TNRC18: variants seen among roughly 807,000 people sequenced by gnomAD.
TNRC18 encodes trinucleotide repeat-containing gene 18 protein.
Under a neutral mutation model 226.7 loss-of-function variants are expected in TNRC18, and 69 were observed. The ratio of observed to expected loss-of-function variants is 0.30; its 90% CI spans 0.25 to 0.37. TNRC18 has a LOEUF of 0.37. Among genes scored for constraint, TNRC18 ranks in the 10% least tolerant of loss-of-function variants. The probability of loss-of-function intolerance (pLI) is 1.00; values close to 1 mark genes in which losing one functional copy is unlikely to be tolerated. For missense variants in TNRC18, 4,754 were observed against 4,256.6 expected, an observed-to-expected ratio of 1.12 and a Z score of -3.25; for synonymous variants, 2,449 against 1,927.6, an observed-to-expected ratio of 1.27 and a Z score of -7.09.
intron 10 of TNRC18, among the ~76,000 whole-genome samples, chr7:5,372,040 A>G (rs1462519803): frequency 1.3e-5 from 2 of 151,456 alleles, no homozygotes; most frequent in Non-Finnish European, 2.9e-5. Flanking sequence ...TGGGACAAGA[A>G]GCATAAGCAT....
At position 5,308,103 on chromosome 7, in the gene TNRC18, G is replaced by C. The variant is rs1434740903; in HGVS notation, c.*3C>G. 1 of 1,548,018 alleles carries C rather than the reference G, an allele frequency of 6.5e-7. No individual in the cohort carries two copies. Among genetic ancestry groups the C allele is most frequent in the Non-Finnish European group, 8.7e-7 (1 of 1,145,890 alleles). On this transcript the variant is annotated 3_prime_UTR_variant, in exon 30 of 30. Transcript: ENST00000430969. ...CACAGGTGGCCCGCAGGGCCCGGCG[G>C]GCTCAGCAGAGCACGGGCACGCCGT... is the stretch of plus-strand genomic sequence containing the variant.
chr7:5,403,094 G>A (rs1322667322), intron 2 of TNRC18, among the ~76,000 whole-genome samples: 2 of 151,668 alleles, frequency 1.3e-5, no homozygotes, highest in Non-Finnish European at 2.9e-5. Flanking sequence ...AGAAGCGTCT[G>A]TTAGACATAG....
In TNRC18 at chr7:5,324,920, G is replaced by T. The variant is rs187471700; in HGVS notation, c.6300+176C>A. Among the ~76,000 whole-genome samples the T allele has an allele frequency of 5.9e-5, 9 of 152,294 alleles. No homozygotes were observed. Among genetic ancestry groups the T allele is most frequent in the African/African-American group, 1.9e-4 (8 of 41,566 alleles). Reference sequence around the variant, plus strand: ...CCTGAGGACAGGAGCAGAGTCCCCAGTATCTCCTTATCCCTGGAGTGTGGG... The same window carrying T: ...CCTGAGGACAGGAGCAGAGTCCCCATTATCTCCTTATCCCTGGAGTGTGGG... On this transcript the variant is annotated intron_variant, in intron 20 of 29. Coordinates refer to ENST00000430969, the MANE Select transcript of TNRC18 (RefSeq NM_001080495.3). This position sits in a 1 kb window ranked among gnomAD's most constrained non-coding sequence, Gnocchi z 4.8.
intron 2 of TNRC18, among the ~76,000 whole-genome samples, chr7:5,398,625 C>CT (rs1562617902): frequency 2.2e-5 from 3 of 135,418 alleles, no homozygotes; most frequent in South Asian, 4.8e-4. Flanking sequence ...GGCCTCTTTT[C>CT]TTTTTTTTAA....
intron 11 of TNRC18, among the ~76,000 whole-genome samples, chr7:5,369,210 T>C (rs1394167588): frequency 6.6e-6 from 1 of 152,042 alleles, no homozygotes; most frequent in African/African-American, 2.4e-5. Context: ...TAGCCAGGCA[T>C]GGTGGCACAT....
At chr7:5,311,999 G>C (rs139509062) in intron 27 of TNRC18, among the ~76,000 whole-genome samples, 3,147 of 152,166 alleles carry the variant, frequency 0.021, 110 homozygotes, top group African/African-American at 0.072. Flanking sequence ...AGCCAGGCGT[G>C]GTGGCGTGCG....
At chr7:5,364,804 GAAAAA>G (rs778909525) in intron 11 of TNRC18, among the ~76,000 whole-genome samples, 2 of 88,202 alleles carry the variant, frequency 2.3e-5, no homozygotes, top group Non-Finnish European at 4.4e-5. Context: ...GCTGTCTCAG[GAAAAA>G]AAAAAAAAAA....
At position 5,389,225 on chromosome 7, in the gene TNRC18, G is replaced by A; in HGVS notation, c.599C>T (p.Ser200Leu). ...CTCCTTGGCTGGACCGTCCCGCGAC[G>A]ACGAGCCTTTGGCCGGGGCGCCCGA... Reference protein sequence around the residue: ...HSSGAPAKGSSSRDGPAKERA... With the variant: ...HSSGAPAKGSLSRDGPAKERA... The change falls in exon 5 of 30, where the codon TCG becomes TTG. Residue 200 changes from serine (S) to leucine (L), a missense_variant. Ser to Leu is a moderately radical substitution (Grantham distance 145). Transcript: ENST00000430969. The A allele has an allele frequency of 6.0e-6, 8 of 1,336,202 alleles. No individual in the cohort carries two copies. Among genetic ancestry groups the A allele is most frequent in the East Asian group, 3.2e-5 (1 of 31,182 alleles). 82.8% of individuals were successfully genotyped at this position (1,336,202 alleles called of 1,614,324 possible). A position where few individuals can be genotyped will look rare whatever the true frequency, so the allele number is the denominator to read the frequency against.
rs1562504268 is a variant in TNRC18, at chr7:5,332,726, CG to C, written c.6042del (p.Val2015SerfsTer18). Reference protein sequence around the residue: ...LHDASAAAPAPVSTAPATKTS... With the variant: ...LHDASAAAPAXVSTAPATKTS... ...GTCTTGGTGGCGGGCGCGGTGCTGA[CG>C]GGCGCAGGTGCAGCAGCCGAGGCGT... On this transcript the variant is annotated frameshift_variant, in exon 19 of 30. Coordinates refer to ENST00000430969, the MANE Select transcript of TNRC18 (RefSeq NM_001080495.3). LOFTEE classifies it high-confidence loss of function. 1 of 1,525,224 alleles carries C rather than the reference CG, an allele frequency of 6.6e-7. No homozygotes were observed. 94.5% of individuals were successfully genotyped at this position (1,525,224 alleles called of 1,614,324 possible). A position where few individuals can be genotyped will look rare whatever the true frequency, so the allele number is the denominator to read the frequency against.
intron 4 of TNRC18, 93 bp downstream of exon 4, chr7:5,390,392 G>A (rs1053667466): frequency 7.6e-7 from 1 of 1,307,678 alleles, no homozygotes; most frequent in African/African-American, 1.5e-5. Context: ...CAGCATCCTG[G>A]ACAGAGCTGG....
chr7:5,410,932 G>A (rs930831505), intron 2 of TNRC18, among the ~76,000 whole-genome samples: 1 of 150,756 alleles, frequency 6.6e-6, no homozygotes, highest in African/African-American at 2.4e-5. Flanking sequence ...AAGGCTGGGC[G>A]TGGTGGCTCA....
rs759814991 is a variant in TNRC18 at position 5,389,302 on chromosome 7, G to C, written c.522C>G (p.Gly174=). Residue 174 remains glycine, a synonymous_variant, in exon 5 of 30, where the codon GGC becomes GGG. Transcript: ENST00000430969. ...CCGAGGGCGCGTGAGAGTGCAGGGA[G>C]CCCGGAGCCCCCGCGGTGGGCAGGT... is the stretch of plus-strand genomic sequence containing the variant. ...GFYLPTAGAP[G]SLHSHAPSAR... 1.6e-6 allele frequency: 2 copies of C among 1,283,604 alleles called. No individual in the cohort carries two copies. Among genetic ancestry groups the C allele is most frequent in the Non-Finnish European group, 2.0e-6 (2 of 1,015,774 alleles). 79.5% of individuals were successfully genotyped at this position (1,283,604 alleles called of 1,614,324 possible). A position where few individuals can be genotyped will look rare whatever the true frequency, so the allele number is the denominator to read the frequency against.
Position 5,376,948 on chromosome 7 carries a change from G to A in TNRC18, c.2507C>T (p.Pro836Leu). 3 of 1,592,292 alleles carry A rather than the reference G, an allele frequency of 1.9e-6. No individual in the cohort carries two copies. The highest frequency in any genetic ancestry group is 2.6e-6 in the Non-Finnish European group (3 of 1,169,754). The change falls in exon 8 of 30, where the codon CCA (proline) becomes CTA (leucine). Residue 836 changes from proline to leucine, a missense_variant. Pro to Leu is a moderately conservative substitution (Grantham distance 98). Coordinates refer to ENST00000430969, the MANE Select transcript of TNRC18 (RefSeq NM_001080495.3). ...CGGGAGGGAGCCCCCCAGGCCAGGTGGGAACGCAGGGGCCATGCCCTGGTG... is the reference window on the plus strand; with the variant it reads ...CGGGAGGGAGCCCCCCAGGCCAGGTAGGAACGCAGGGGCCATGCCCTGGTG... ...SLHQGMAPAFPPGLGGSLPSA... is the reference protein window; with the variant it reads ...SLHQGMAPAFLPGLGGSLPSA...
At chr7:5,374,620 C>T in intron 9 of TNRC18, 136 bp from the exon 10 acceptor site, 1 of 847,724 alleles carries the variant, frequency 1.2e-6, no homozygotes, top group Non-Finnish European at 1.7e-6. Flanking sequence ...GGCTGCCCAC[C>T]CCGTCCCAGG....
In TNRC18 at chr7:5,307,646, G is replaced by T. The variant is rs756695264; in HGVS notation, c.*460C>A. On this transcript the variant is annotated 3_prime_UTR_variant, in exon 30 of 30. Coordinates refer to ENST00000430969, the MANE Select transcript of TNRC18 (RefSeq NM_001080495.3). ...CTGCCCTGTCCCATGCACGGTGGGA[G>T]GCCTTGGGGTGGGCTCCATGCTAAG... 2.5e-5 allele frequency: 10 copies of T among 393,806 alleles called. No individual in the cohort carries two copies. The highest frequency in any genetic ancestry group is 1.9e-4 in the African/African-American group (9 of 47,926). The allele number at this position is 393,806 out of a possible 1,614,324, so 24.4% of individuals were successfully genotyped here. A position where few individuals can be genotyped will look rare whatever the true frequency, so the allele number is the denominator to read the frequency against.
intron 9 of TNRC18, among the ~76,000 whole-genome samples, chr7:5,374,727 G>A (rs1190775489): frequency 6.6e-6 from 1 of 152,220 alleles, no homozygotes; most frequent in Non-Finnish European, 1.5e-5. Flanking sequence ...GCTCTGGTGA[G>A]CCCCTTCGAA....
At position 5,377,083 on chromosome 7, in the gene TNRC18, T is replaced by A. The variant is rs929514529; in HGVS notation, c.2462-90A>T. On this transcript the variant is annotated intron_variant, in intron 7 of 29. Coordinates refer to ENST00000430969, the MANE Select transcript of TNRC18 (RefSeq NM_001080495.3). This position sits in a 1 kb window ranked among gnomAD's most constrained non-coding sequence, Gnocchi z 5.8. ...CCCCAGCCCAGCACCACCTCCCAAG[T>A]CCTGAACCTCCTGGGGCCTCCAGTG... The A allele has an allele frequency of 3.3e-6, 5 of 1,493,456 alleles. No homozygotes were observed. The African/African-American group carries it at 4.3e-5, about 13-fold the overall frequency. The allele number at this position is 1,493,456 out of a possible 1,614,324, so 92.5% of individuals were successfully genotyped here. A position where few individuals can be genotyped will look rare whatever the true frequency, so the allele number is the denominator to read the frequency against.
At chr7:5,381,049 G>T (rs1779363178) in intron 5 of TNRC18, among the ~76,000 whole-genome samples, 3 of 152,102 alleles carry the variant, frequency 2.0e-5, no homozygotes, top group Non-Finnish European at 4.4e-5. Context: ...GGCTGTCACT[G>T]TGAATGGTCT....
chr7:5,345,800 C>G lies in TNRC18; in HGVS notation c.5481G>C (p.Ser1827=), dbSNP rs756218820. 53 of 1,543,594 alleles carry G rather than the reference C, an allele frequency of 3.4e-5. No individual in the cohort carries two copies. The African/African-American group carries it at 6.8e-4, about 20-fold the overall frequency. The part of the protein sequence containing the change: ...SEESFDQDES[S]EEEDEEEELE... The stretch of plus-strand genomic sequence containing the variant: ...GCTCCTCCTCCTCGTCCTCCTCCTC[C>G]GAGCTCTCATCTGGCGTGCAGAAAA... The change falls in exon 18 of 30, where the codon TCG becomes TCC. Residue 1827 remains serine (S), a synonymous_variant. Transcript: ENST00000430969.
Sources: allele counts gnomAD v4.1 joint callset (sites outside exome capture counted in the v4.1 genomes callset), GRCh38; gene constraint gnomAD v4.1.1; non-coding constraint Gnocchi (gnomAD v3.1); transcripts MANE v1.5; gene names NCBI Gene and HGNC (gene_info 2026-07-23, HGNC 2026-07-21).